SPAG9: variants seen among roughly 807,000 people sequenced by gnomAD.
SPAG9 encodes the protein sperm associated antigen 9.
In SPAG9, 35 loss-of-function variants were observed where a neutral mutation model predicts 166.5. The observed-to-expected ratio is 0.21, with a 90% CI of 0.16 to 0.28. The LOEUF (loss-of-function observed/expected upper bound fraction) is 0.28. Ranked by LOEUF, SPAG9 falls within the 10% of genes least tolerant of loss-of-function variation. The pLI, the probability that SPAG9 is intolerant of heterozygous loss-of-function variation, is 1.00. For synonymous variants in SPAG9, 534 were observed against 565.5 expected (o/e 0.94, Z 0.79); for missense variants, 1,235 against 1,603.3 (o/e 0.77, Z 3.92).
At chr17:50,990,209 T>C in intron 20 of SPAG9, 2 of 525,894 alleles carry the variant, frequency 3.8e-6, no homozygotes, top group Non-Finnish European at 6.8e-6. Flanking sequence ...TTGTACTTTT[T>C]AGTACAGACA....
chr17:50,982,464 C>T, intron 25 of SPAG9, 60 bp downstream of exon 25: 1 of 1,469,016 alleles, frequency 6.8e-7, no homozygotes, highest in African/African-American at 1.4e-5. Flanking sequence ...TAATTATAGT[C>T]TAATAGTCTT....
intron 10 of SPAG9, among the ~76,000 whole-genome samples, 159 bp downstream of exon 10, chr17:51,007,110 G>GGTGTGTGTGTGT (rs3075108): frequency 1.4e-5 from 2 of 145,902 alleles, no homozygotes; most frequent in African/African-American, 5.0e-5. Flanking sequence ...CCAACATTAG[G>GGTGTGTGTGTGT]GTGTGTGTGT....
chr17:51,107,194 T>G (rs1271307925), intron 1 of SPAG9, among the ~76,000 whole-genome samples: 1 of 151,956 alleles, frequency 6.6e-6, no homozygotes, highest in Non-Finnish European at 1.5e-5. Flanking sequence ...TCCACCTACT[T>G]GGGGGAATGG....
At chr17:50,978,054 T>C (rs1250986142) in intron 26 of SPAG9, among the ~76,000 whole-genome samples, 1 of 152,254 alleles carries the variant, frequency 6.6e-6, no homozygotes, top group African/African-American at 2.4e-5. Context: ...ATTTTAAGTA[T>C]TATACACAAA....
At chr17:51,069,487 T>A (rs2047761485) in intron 2 of SPAG9, among the ~76,000 whole-genome samples, 1 of 152,140 alleles carries the variant, frequency 6.6e-6, no homozygotes. Context: ...TATGAAATGA[T>A]ACTTGGCAAC....
intron 2 of SPAG9, among the ~76,000 whole-genome samples, chr17:51,059,982 T>C (rs2047458877): frequency 2.0e-5 from 3 of 152,042 alleles, no homozygotes. Context: ...CGCTCAAAAC[T>C]TCAAAGCTTC....
In SPAG9 at chr17:50,966,097, G is replaced by C; in HGVS notation, c.*175C>G. 6.7e-6 allele frequency: 4 copies of C among 594,206 alleles called. No individual in the cohort carries two copies. The highest frequency in any genetic ancestry group is 1.2e-5 in the Non-Finnish European group (4 of 329,278). 36.8% of individuals were successfully genotyped at this position (594,206 alleles called of 1,614,324 possible). On this transcript the variant is annotated 3_prime_UTR_variant, in exon 30 of 30. Transcript: ENST00000262013. ...TAACACTGGTGCAGTAACACAGCTA[G>C]TTCCTCTGTATTGTTATGGTAGAAC...
intron 5 of SPAG9, among the ~76,000 whole-genome samples, chr17:51,037,428 C>G (rs1473955421): frequency 2.0e-5 from 3 of 151,672 alleles, no homozygotes; most frequent in African/African-American, 7.3e-5. Flanking sequence ...GCCTGGCCAA[C>G]ATGGCAAAAC....
In SPAG9 at chr17:50,995,519, T is replaced by A. The variant is rs760691263; in HGVS notation, c.1983A>T (p.Gln661His). 1 of 1,608,540 alleles carries A rather than the reference T, an allele frequency of 6.2e-7. No homozygotes were observed. Among genetic ancestry groups the A allele is most frequent in the Non-Finnish European group, 8.5e-7 (1 of 1,175,008 alleles). ...PQKYKQVTNG[Q>H]GENKMKNLPV... ...GTAAATTTTTCATCTTATTTTCACC[T>A]TGACCATTGGTTACCTAATAATGGT... Residue 661 changes from glutamine (Q) to histidine (H), a missense_variant, in exon 17 of 30, where the codon CAA becomes CAT. Transcript: ENST00000262013.
At chr17:51,065,217 G>A (rs760966370) in intron 2 of SPAG9, among the ~76,000 whole-genome samples, 3 of 151,920 alleles carry the variant, frequency 2.0e-5, no homozygotes, top group Non-Finnish European at 2.9e-5. Context: ...TTTTTAAATA[G>A]AGACAGGGTC....
chr17:51,120,732 G>A lies in SPAG9; in HGVS notation c.-76C>T. 7.5e-7 allele frequency: 1 copy of A among 1,340,770 alleles called. No homozygotes were observed. The highest frequency in any genetic ancestry group is 1.4e-5 in the South Asian group (1 of 71,542). The allele number at this position is 1,340,770 out of a possible 1,614,324, so 83.1% of individuals were successfully genotyped here. A position where few individuals can be genotyped will look rare whatever the true frequency, so the allele number is the denominator to read the frequency against. ...GCACCTGCCCGCACGGGACGGACCC[G>A]ACTCGGGCTGGGACGGGTACTAGGG... On this transcript the variant is annotated 5_prime_UTR_variant, in exon 1 of 30. Transcript: ENST00000262013. This position sits in a 1 kb window ranked among gnomAD's most constrained non-coding sequence, Gnocchi z 4.7.
intron 12 of SPAG9, among the ~76,000 whole-genome samples, chr17:51,002,141 G>C (rs532378108): frequency 9.2e-4 from 140 of 152,164 alleles, no homozygotes; most frequent in African/African-American, 3.1e-3. Context: ...CCAGCCTCCT[G>C]AGTAGCTTGG....
chr17:51,023,702 T>A (rs2046036202), intron 6 of SPAG9, among the ~76,000 whole-genome samples: 1 of 152,194 alleles, frequency 6.6e-6, no homozygotes, highest in Admixed American at 6.5e-5. Flanking sequence ...CTCGTTCTTG[T>A]CACCCAGGCT....
In SPAG9 at chr17:50,980,245, G is replaced by T. The variant is rs537317276; in HGVS notation, c.3238-328C>A. On this transcript the variant is annotated intron_variant, in intron 25 of 29. Coordinates refer to ENST00000262013, the MANE Select transcript of SPAG9 (RefSeq NM_001130528.3). ...TTGAGACAGAGTCTTTACTCTTGTC[G>T]CCCAGGCTGGAGTGCAATGGCGCAA... 9.2e-5 allele frequency among the ~76,000 whole-genome samples: 14 copies of T among 151,616 alleles called. No homozygotes were observed. The East Asian group carries it at 2.1e-3, about 23-fold the overall frequency.
At chr17:50,975,112 C>G (rs1974119229) in intron 27 of SPAG9, 165 bp from the exon 28 acceptor site, 1 of 594,140 alleles carries the variant, frequency 1.7e-6, no homozygotes, top group Non-Finnish European at 2.8e-6. Context: ...AAAAGAGATA[C>G]AGCATGCTAG....
chr17:50,981,163 T>C lies in SPAG9; in HGVS notation c.3238-1246A>G, dbSNP rs1394515744. 7.7e-5 allele frequency among the ~76,000 whole-genome samples: 7 copies of C among 91,226 alleles called. No individual in the cohort carries two copies. In the East Asian group the frequency reaches 1.9e-3, roughly 25 times the overall value. The allele number at this position is 91,226 out of a possible 152,430, so 59.8% of individuals were successfully genotyped here. ...TTAAGTGCCGATATGATACCATAAG[T>C]CACGCTGAACACAGTATTTTTTTTA... On this transcript the variant is annotated intron_variant, in intron 25 of 29. Coordinates refer to ENST00000262013, the MANE Select transcript of SPAG9 (RefSeq NM_001130528.3).
chr17:50,985,724 T>C lies in SPAG9; in HGVS notation c.2994A>G (p.Lys998=). Residue 998 remains lysine (K), a synonymous_variant, in exon 23 of 30, where the codon AAA becomes AAG. Coordinates refer to ENST00000262013, the MANE Select transcript of SPAG9 (RefSeq NM_001130528.3). Reference sequence around the variant, plus strand: ...CAATACTGAGAATCGAATCTTTAAGTTTAATGGAATGGAGACATTTCCTCC... The same window carrying C: ...CAATACTGAGAATCGAATCTTTAAGCTTAATGGAATGGAGACATTTCCTCC... ...AQWRKCLHSI[K]LKDSILSIVH... 4 of 1,606,818 alleles carry C rather than the reference T, an allele frequency of 2.5e-6. No homozygotes were observed. In the South Asian group the frequency reaches 3.3e-5, roughly 13 times the overall value.
At chr17:50,998,705 C>T (rs1427924041) in intron 14 of SPAG9, 88 bp from the exon 15 acceptor site, 9 of 1,311,906 alleles carry the variant, frequency 6.9e-6, no homozygotes, top group Non-Finnish European at 9.6e-6. Flanking sequence ...AAGAAAATTT[C>T]AGAGTACTTT....
At chr17:51,084,526 G>A (rs2048254818) in intron 1 of SPAG9, among the ~76,000 whole-genome samples, 2 of 152,056 alleles carry the variant, frequency 1.3e-5, no homozygotes, top group African/African-American at 4.8e-5. Flanking sequence ...TCCTGCCTCA[G>A]CCTCTGCGTA....
Sources: gnomAD v4.1 joint callset for allele counts (sites outside exome capture counted in the v4.1 genomes callset) on GRCh38, gnomAD v4.1.1 for gene constraint, Gnocchi (gnomAD v3.1) non-coding constraint, MANE v1.5 for transcripts, NCBI Gene and HGNC (gene_info 2026-07-23, HGNC 2026-07-21) for gene names.